CRBN: variants seen among roughly 807,000 people sequenced by gnomAD.
CRBN encodes protein cereblon.
A neutral mutation model predicts 62.2 loss-of-function variants in CRBN; 53 were observed. That is an observed-to-expected ratio of 0.85 (90% CI 0.68 to 1.07). The LOEUF (loss-of-function observed/expected upper bound fraction) is 1.07, where lower values mean the gene tolerates loss of function less well. Ranked by LOEUF, CRBN falls within the 50% of genes least tolerant of loss-of-function variation. The pLI is 0.00. For synonymous variants in CRBN, 208 were observed against 176.1 expected, an observed-to-expected ratio of 1.18 and a Z score of -1.43; for missense variants, 616 against 531.1, an observed-to-expected ratio of 1.16 and a Z score of -1.57.
chr3:3,169,633 G>A (rs1707516519), intron 4 of CRBN, among the ~76,000 whole-genome samples: 1 of 152,152 alleles, frequency 6.6e-6, no homozygotes, highest in Non-Finnish European at 1.5e-5. Flanking sequence ...CTGCAGAACT[G>A]CTTCAATGGA....
intron 5 of CRBN, among the ~76,000 whole-genome samples, chr3:3,160,006 A>T (rs1345233050): frequency 6.6e-6 from 1 of 152,218 alleles, no homozygotes; most frequent in Non-Finnish European, 1.5e-5. Flanking sequence ...TAGGCACTTA[A>T]AAGTGACCAA....
In CRBN at chr3:3,150,786, G is replaced by A; in HGVS notation, c.*79C>T. The A allele has an allele frequency of 7.5e-7, 1 of 1,338,490 alleles. No individual in the cohort carries two copies. Among genetic ancestry groups the A allele is most frequent in the Non-Finnish European group, 1.1e-6 (1 of 951,298 alleles). 82.9% of individuals were successfully genotyped at this position (1,338,490 alleles called of 1,614,324 possible). ...ATTAATGTTATGTTTACTTAGGTAT[G>A]TATCAGAGGCAATAATTTCCAAAGC... On this transcript the variant is annotated 3_prime_UTR_variant, in exon 11 of 11. Transcript: ENST00000231948.
intron 8 of CRBN, 63 bp downstream of exon 8, chr3:3,153,897 G>T: frequency 9.7e-7 from 1 of 1,031,854 alleles, no homozygotes; most frequent in East Asian, 2.4e-5. Flanking sequence ...GGCCCCAACA[G>T]AGCATCCTAG....
In CRBN at chr3:3,161,134, C is replaced by A. The variant is rs140334813; in HGVS notation, c.688-4853G>T. On this transcript the variant is annotated intron_variant, in intron 5 of 10. Transcript: ENST00000231948. ...CTATGTAAGAACAACAACAAAAAAA[C>A]AGTTCTGTTTGACACACCACACCAA... Among the ~76,000 whole-genome samples, 1,521 of 152,246 alleles carry A rather than the reference C, an allele frequency of 1.0e-2. 26 individuals are homozygous for A. Among genetic ancestry groups the A allele is most frequent in the Middle Eastern group, 0.017 (5 of 294 alleles).
chr3:3,164,307 T>A (rs1707244256), intron 5 of CRBN, among the ~76,000 whole-genome samples: 1 of 152,196 alleles, frequency 6.6e-6, no homozygotes. Flanking sequence ...CTAGGCCTCC[T>A]GGGGCAAACA....
At chr3:3,151,275 C>G (rs1339151942) in intron 10 of CRBN, among the ~76,000 whole-genome samples, 2 of 152,176 alleles carry the variant, frequency 1.3e-5, no homozygotes, top group African/African-American at 2.4e-5. Context: ...CATTTTTCTT[C>G]TACTGCATAG....
intron 5 of CRBN, among the ~76,000 whole-genome samples, chr3:3,164,285 A>C (rs1170950063): frequency 6.6e-6 from 1 of 152,240 alleles, no homozygotes; most frequent in South Asian, 2.1e-4. Flanking sequence ...CAAAGCTGAA[A>C]GAGGCCAAAC....
rs779202092 is a variant in CRBN, at chr3:3,175,208, T to C, written c.129A>G (p.Lys43=). Residue 43 remains lysine, a synonymous_variant, in exon 2 of 11, where the codon AAA becomes AAG. Transcript: ENST00000231948. ...VEDQDSKEAK[K]PNIINFDTSL... ...TGGTGTCAAAATTTATGATGTTTGG[T>C]TTTTTGGCTTCTTTACTATCCTGGT... 1 of 1,613,468 alleles carries C rather than the reference T, an allele frequency of 6.2e-7. No individual in the cohort carries two copies. The highest frequency in any genetic ancestry group is 1.3e-5 in the African/African-American group (1 of 75,010).
chr3:3,167,796 A>G lies in CRBN; in HGVS notation c.528-3T>C, dbSNP rs1382752042. 4 of 1,613,112 alleles carry G rather than the reference A, an allele frequency of 2.5e-6. No homozygotes were observed. The Admixed American group carries it at 6.7e-5, about 27-fold the overall frequency. On this transcript the variant is annotated splice_polypyrimidine_tract_variant and splice_region_variant and intron_variant, in intron 4 of 10. Coordinates refer to ENST00000231948, the MANE Select transcript of CRBN (RefSeq NM_016302.4). ...TTTGCACTTTAGCTTGCTGGATTCT[A>G]AAATAAAGAGAACCAAGCATGGTAT...
intron 5 of CRBN, among the ~76,000 whole-genome samples, chr3:3,159,014 T>C (rs1290141860): frequency 1.3e-5 from 2 of 152,176 alleles, no homozygotes; most frequent in Non-Finnish European, 2.9e-5. Flanking sequence ...TTTGACCCTT[T>C]TGCTTGGCAC....
At chr3:3,178,242 T>G (rs1307974922) in intron 1 of CRBN, among the ~76,000 whole-genome samples, 1 of 152,200 alleles carries the variant, frequency 6.6e-6, no homozygotes, top group Non-Finnish European at 1.5e-5. Flanking sequence ...CTTACCCTTG[T>G]GTCAACTCAG....
intron 4 of CRBN, among the ~76,000 whole-genome samples, chr3:3,171,433 A>C (rs1273470728): frequency 6.6e-6 from 1 of 152,064 alleles, no homozygotes; most frequent in African/African-American, 2.4e-5. Flanking sequence ...ATTTATATAA[A>C]ATTTATGGTC....
In CRBN at chr3:3,151,040, G is replaced by A. The variant is rs1260121935; in HGVS notation, c.1154C>T (p.Ala385Val). 3 of 1,613,628 alleles carry A rather than the reference G, an allele frequency of 1.9e-6. No individual in the cohort carries two copies. The highest frequency in any genetic ancestry group is 3.3e-5 in the Admixed American group (2 of 59,914). Residue 385 changes from alanine to valine, a missense_variant, in exon 11 of 11, where the codon GCC (alanine) becomes GTC (valine). Physicochemically the swap from Ala to Val is moderately conservative, Grantham distance 64. Coordinates refer to ENST00000231948, the MANE Select transcript of CRBN (RefSeq NM_016302.4). Reference protein sequence around the residue: ...STEHSWFPGYAWTVAQCKICA... With the variant: ...STEHSWFPGYVWTVAQCKICA... ...GATCTTACACTGGGCAACAGTCCAGGCATACCTAAGAAATTAAGGAAAGAT... is the reference window on the plus strand; with the variant it reads ...GATCTTACACTGGGCAACAGTCCAGACATACCTAAGAAATTAAGGAAAGAT...
chr3:3,149,859 G>A (rs552488124), downstream of CRBN: 2 of 152,160 alleles, frequency 1.3e-5, no homozygotes, highest in East Asian at 3.9e-4. Flanking sequence ...AAGTAGCAAA[G>A]GACTACCAAT....
rs1218302179 is a variant in CRBN at position 3,167,634 on chromosome 3, C to A, written c.687G>T (p.Lys229Asn). 3 of 1,612,170 alleles carry A rather than the reference C, an allele frequency of 1.9e-6. No individual in the cohort carries two copies. The highest frequency in any genetic ancestry group is 2.5e-6 in the Non-Finnish European group (3 of 1,178,978). The change falls in exon 5 of 11, where the codon AAG becomes AAT. Residue 229 changes from lysine (K) to asparagine (N), a missense_variant and splice_region_variant. By Grantham distance (94) the Lys-to-Asn change is moderately conservative (BLOSUM62 0). Transcript: ENST00000231948. ...GATGCATAAAAAATTAGTTTCTCACCTTCTGGTATTTCTGCCACCATTTAT... is the reference window on the plus strand; with the variant it reads ...GATGCATAAAAAATTAGTTTCTCACATTCTGGTATTTCTGCCACCATTTAT... Reference protein sequence around the residue: ...CSYKWWQKYQKRKFHCANLTS... With the variant: ...CSYKWWQKYQNRKFHCANLTS...
chr3:3,175,142 A>C, intron 2 of CRBN, 21 bp downstream of exon 2: 1 of 1,420,680 alleles, frequency 7.0e-7, no homozygotes, highest in Non-Finnish European at 1.0e-6. Context: ...ATTATATTAG[A>C]TCTGTCACTA....
chr3:3,176,942 A>G (rs770617547), intron 1 of CRBN, among the ~76,000 whole-genome samples: 2 of 152,226 alleles, frequency 1.3e-5, no homozygotes, highest in African/African-American at 4.8e-5. Flanking sequence ...CTTTTCATAC[A>G]AACTATGAGT....
At chr3:3,171,339 G>C (rs1349662225) in intron 4 of CRBN, among the ~76,000 whole-genome samples, 1 of 152,138 alleles carries the variant, frequency 6.6e-6, no homozygotes, top group Non-Finnish European at 1.5e-5. Flanking sequence ...GGAACTGTTA[G>C]CAAAATCCAC....
intron 5 of CRBN, among the ~76,000 whole-genome samples, chr3:3,164,054 AAACTT>A (rs1707236599): frequency 6.6e-6 from 1 of 152,212 alleles, no homozygotes; most frequent in Non-Finnish European, 1.5e-5. Context: ...TTAAGACAGT[AAACTT>A]AACAAATGTG....
Sources: allele counts gnomAD v4.1 joint callset (sites outside exome capture counted in the v4.1 genomes callset), GRCh38; gene constraint gnomAD v4.1.1; transcripts MANE v1.5; gene names NCBI Gene and HGNC (gene_info 2026-07-23, HGNC 2026-07-21).